The following RALGAPB variants were observed in gnomAD, a reference collection of about 807,000 sequenced individuals.
The protein encoded by RALGAPB is ral GTPase-activating protein subunit beta.
RALGAPB carries 25 observed loss-of-function variants against 161.1 expected under a neutral mutation model. The observed-to-expected ratio is 0.16, with a 90% CI of 0.11 to 0.22. The LOEUF (loss-of-function observed/expected upper bound fraction) is 0.22. Among genes scored for constraint, RALGAPB ranks in the 10% least tolerant of loss-of-function variants. The pLI is 1.00. For missense variants in RALGAPB, 1,391 were observed against 1,815.2 expected (o/e 0.77, Z 4.25); for synonymous variants, 629 against 626.1 (o/e 1.00, Z -0.07).
intron 25 of RALGAPB, 86 bp downstream of exon 25, chr20:38,565,564 G>A: frequency 6.7e-7 from 1 of 1,485,746 alleles, no homozygotes; most frequent in East Asian, 2.3e-5. Flanking sequence ...AAGAGATTTT[G>A]AAGTGATCTA....
At chr20:38,510,140 ACAC>A in intron 6 of RALGAPB, among the ~76,000 whole-genome samples, 1 of 141,194 alleles carries the variant, frequency 7.1e-6, no homozygotes, top group African/African-American at 2.9e-5. Flanking sequence ...ATACACACAC[ACAC>A]ACACACACAC....
chr20:38,565,549 A>G (rs1380041954), intron 25 of RALGAPB, 71 bp downstream of exon 25: 8 of 1,530,742 alleles, frequency 5.2e-6, no homozygotes, highest in Non-Finnish European at 6.2e-6. Context: ...ATATTACTGC[A>G]TTGGAAGAGA....
chr20:38,548,526 C>T (rs905460931), intron 19 of RALGAPB, among the ~76,000 whole-genome samples, 163 bp from the exon 20 acceptor site: 16 of 152,134 alleles, frequency 1.1e-4, no homozygotes, highest in African/African-American at 2.9e-4. Flanking sequence ...TTACAGTACA[C>T]GGGTATGGGT....
intron 14 of RALGAPB, among the ~76,000 whole-genome samples, chr20:38,532,255 C>G (rs1384494623): frequency 6.6e-6 from 1 of 152,180 alleles, no homozygotes; most frequent in African/African-American, 2.4e-5. Flanking sequence ...GATGGGGTTT[C>G]ACTGTGTTAG....
rs2088472627 is a variant in RALGAPB at position 38,577,297 on chromosome 20, C to CT, written c.*2333dup. ...ACCCACCTGCCTTTGTTAAAAATCACTTTGAGTAGAATAGCACTGGAGGAA... is the reference window on the plus strand; with the variant it reads ...ACCCACCTGCCTTTGTTAAAAATCACTTTTGAGTAGAATAGCACTGGAGGAA... On this transcript the variant is annotated 3_prime_UTR_variant, in exon 30 of 30. Coordinates refer to ENST00000262879, the MANE Select transcript of RALGAPB (RefSeq NM_020336.4). The CT allele has an allele frequency of 6.6e-6, 1 of 152,196 alleles. No individual in the cohort carries two copies. Among genetic ancestry groups the CT allele is most frequent in the Non-Finnish European group, 1.5e-5 (1 of 68,036 alleles). The allele number at this position is 152,196 out of a possible 1,614,324, so 9.4% of individuals were successfully genotyped here.
intron 1 of RALGAPB, among the ~76,000 whole-genome samples, chr20:38,480,713 T>C (rs1273662901): frequency 7.1e-6 from 1 of 140,356 alleles, no homozygotes; most frequent in Non-Finnish European, 1.5e-5. Flanking sequence ...TTCTCTCTTT[T>C]ATCTGTGACT....
At chr20:38,545,523 A>G (rs1486340389) in intron 18 of RALGAPB, among the ~76,000 whole-genome samples, 1 of 152,204 alleles carries the variant, frequency 6.6e-6, no homozygotes, top group African/African-American at 2.4e-5. Flanking sequence ...CCAGTATTCT[A>G]CAGCACCACA....
chr20:38,493,773 G>C (rs1477004237), intron 3 of RALGAPB, among the ~76,000 whole-genome samples: 1 of 152,200 alleles, frequency 6.6e-6, no homozygotes, highest in Non-Finnish European at 1.5e-5. Context: ...GATTACTTTG[G>C]AAAATCTGAA....
At chr20:38,506,773 G>T (rs2123006485) in intron 5 of RALGAPB, among the ~76,000 whole-genome samples, 1 of 152,168 alleles carries the variant, frequency 6.6e-6, no homozygotes, top group East Asian at 1.9e-4. Context: ...TTTGATAGGG[G>T]GCAAAGAGAG....
intron 14 of RALGAPB, among the ~76,000 whole-genome samples, chr20:38,531,902 A>G (rs534353463): frequency 1.3e-5 from 2 of 152,302 alleles, no homozygotes; most frequent in African/African-American, 2.4e-5. Flanking sequence ...CTGTGTTTAT[A>G]TGGGGAAAAA....
At position 38,488,535 on chromosome 20, in the gene RALGAPB, A is replaced by G. The variant is rs2122861491; in HGVS notation, c.103A>G (p.Asn35Asp). 1.2e-6 allele frequency: 2 copies of G among 1,614,158 alleles called. No homozygotes were observed. Among genetic ancestry groups the G allele is most frequent in the East Asian group, 4.5e-5 (2 of 44,890 alleles). ...AGAGAGCGTTGGACGAGAGGTGGCA[A>G]ATGCTGTAGTCCGTCCTCTTGGGCA... ...YPESVGREVA[N>D]AVVRPLGQVL... Residue 35 changes from asparagine to aspartate, a missense_variant, in exon 2 of 30, where the codon AAT (asparagine) becomes GAT (aspartate). This residue lies in a region of RALGAPB where 946 missense variants were observed against 1,257.2 expected (regional missense o/e 0.75). Coordinates refer to ENST00000262879, the MANE Select transcript of RALGAPB (RefSeq NM_020336.4).
chr20:38,524,343 T>C (rs1464347321), intron 10 of RALGAPB, among the ~76,000 whole-genome samples: 3 of 152,190 alleles, frequency 2.0e-5, no homozygotes, highest in Non-Finnish European at 4.4e-5. Flanking sequence ...GCAACATTTT[T>C]CTCTTACGGA....
chr20:38,539,314 G>A (rs967536184), intron 16 of RALGAPB, among the ~76,000 whole-genome samples: 1 of 152,160 alleles, frequency 6.6e-6, no homozygotes, highest in Admixed American at 6.5e-5. Context: ...ATCCGCTGTC[G>A]ATTGTGGTGA....
At chr20:38,566,971 C>A in intron 25 of RALGAPB, 125 bp from the exon 26 acceptor site, 4 of 1,429,606 alleles carry the variant, frequency 2.8e-6, no homozygotes, top group South Asian at 3.4e-5. Context: ...TTTGTCAGCC[C>A]TTGCTCTCGA....
intron 13 of RALGAPB, among the ~76,000 whole-genome samples, chr20:38,530,393 G>GT (rs2086618030): frequency 6.6e-6 from 1 of 151,940 alleles, no homozygotes; most frequent in Admixed American, 6.6e-5. Flanking sequence ...GTTTGTGTAC[G>GT]TAAGTTTTTT....
rs116997641 is a variant in RALGAPB at position 38,504,150 on chromosome 20, G to C, written c.740+4517G>C. Among the ~76,000 whole-genome samples, 1,420 of 152,222 alleles carry C rather than the reference G, an allele frequency of 9.3e-3. 8 individuals carry two copies. The highest frequency in any genetic ancestry group is 0.02 in the Middle Eastern group (6 of 294). The stretch of plus-strand genomic sequence containing the variant: ...GCAAATCCTAAGCAAAAAGAACAAA[G>C]CTGGAGGCTTCACATTACCCACCTT... On this transcript the variant is annotated intron_variant, in intron 5 of 29. Coordinates refer to ENST00000262879, the MANE Select transcript of RALGAPB (RefSeq NM_020336.4).
chr20:38,531,115 T>G, intron 13 of RALGAPB, 52 bp from the exon 14 acceptor site: 2 of 1,422,306 alleles, frequency 1.4e-6, no homozygotes, highest in South Asian at 1.2e-5. Context: ...GTCTTACGCA[T>G]TTTAGTGTTC....
intron 7 of RALGAPB, 162 bp downstream of exon 7, chr20:38,516,532 A>C (rs775563933): frequency 7.1e-6 from 5 of 707,034 alleles, no homozygotes; most frequent in Non-Finnish European, 1.1e-5. Flanking sequence ...AAATAGCCAG[A>C]GGGTTATCGT....
chr20:38,513,003 G>C (rs1319462887), intron 6 of RALGAPB, among the ~76,000 whole-genome samples: 1 of 151,944 alleles, frequency 6.6e-6, no homozygotes, highest in African/African-American at 2.4e-5. Context: ...CTCATGATCC[G>C]CCTGCCTCGG....
Sources: allele counts gnomAD v4.1 joint callset (sites outside exome capture counted in the v4.1 genomes callset), GRCh38; gene constraint gnomAD v4.1.1; regional missense constraint gnomAD v4.1.1; transcripts MANE v1.5; gene names NCBI Gene and HGNC (gene_info 2026-07-23, HGNC 2026-07-21).